Variants in SNX8 observed in about 807,000 individuals in gnomAD.
SNX8 encodes the protein sorting nexin-8.
Under a neutral mutation model 51.6 loss-of-function variants are expected in SNX8, and 25 were observed. The observed-to-expected ratio is 0.48, with a 90% CI of 0.35 to 0.68. The LOEUF is 0.68. Among genes scored for constraint, SNX8 ranks in the 30% least tolerant of loss-of-function variants. The pLI is 0.00. For missense variants in SNX8, 695 were observed against 624.0 expected (o/e 1.11, Z -1.21); for synonymous variants, 324 against 277.0 (o/e 1.17, Z -1.68).
intron 1 of SNX8, among the ~76,000 whole-genome samples, chr7:2,338,627 G>A (rs1266509398): frequency 6.6e-6 from 1 of 152,062 alleles, no homozygotes; most frequent in African/African-American, 2.4e-5. Context: ...GAGCAAGACT[G>A]TCTCAAAAAA....
At chr7:2,340,969 A>G (rs957079453) in intron 1 of SNX8, among the ~76,000 whole-genome samples, 1 of 150,990 alleles carries the variant, frequency 6.6e-6, no homozygotes, top group Non-Finnish European at 1.5e-5. Flanking sequence ...GGGTCACTTG[A>G]GCCCAGGAAT....
chr7:2,330,664 G>A (rs904452641), intron 1 of SNX8, among the ~76,000 whole-genome samples: 1 of 152,042 alleles, frequency 6.6e-6, no homozygotes, highest in Non-Finnish European at 1.5e-5. Flanking sequence ...TCTCCAGGCA[G>A]ACAGTCTCAG....
At chr7:2,346,736 T>TC (rs1779035492) in intron 1 of SNX8, among the ~76,000 whole-genome samples, 1 of 20,350 alleles carries the variant, frequency 4.9e-5, no homozygotes, top group Admixed American at 9.0e-4. Flanking sequence ...GGACTCCGTC[T>TC]CAAAAAAAAA....
intron 1 of SNX8, among the ~76,000 whole-genome samples, chr7:2,279,276 TCACTCACACTACGGAGTCGAAGCC>T (rs1795855864): frequency 7.2e-6 from 1 of 138,540 alleles, no homozygotes; most frequent in African/African-American, 2.7e-5. Flanking sequence ...GAAGCCGGAC[TCACTCACACTACGGAGTCGAAGCC>T]GGACTCACTC....
intron 1 of SNX8, among the ~76,000 whole-genome samples, chr7:2,303,403 A>C (rs933968338): frequency 2.7e-5 from 4 of 148,468 alleles, no homozygotes; most frequent in African/African-American, 9.9e-5. Context: ...GGCCGCCCCT[A>C]CTGGGAAGTG....
Position 2,255,039 on chromosome 7 carries a change from C to T in SNX8, c.*17G>A. ...GTTTTAGTGCGGCCGCAGGGAGCAC[C>T]ACCTCAGCCTCAGGCGCTAGTGAGG... On this transcript the variant is annotated 3_prime_UTR_variant, in exon 11 of 11. Coordinates refer to ENST00000222990, the MANE Select transcript of SNX8 (RefSeq NM_013321.4). 1 of 1,502,686 alleles carries T rather than the reference C, an allele frequency of 6.7e-7. No homozygotes were observed. The allele number at this position is 1,502,686 out of a possible 1,614,324, so 93.1% of individuals were successfully genotyped here. A position where few individuals can be genotyped will look rare whatever the true frequency, so the allele number is the denominator to read the frequency against.
At chr7:2,282,333 T>A (rs1224669644) in intron 1 of SNX8, among the ~76,000 whole-genome samples, 1 of 152,042 alleles carries the variant, frequency 6.6e-6, no homozygotes, top group Non-Finnish European at 1.5e-5. Flanking sequence ...CTTGCAAAGA[T>A]AAACTGTGAG....
At chr7:2,270,826 A>C (rs1218512542) in intron 4 of SNX8, among the ~76,000 whole-genome samples, 1 of 152,128 alleles carries the variant, frequency 6.6e-6, no homozygotes, top group Non-Finnish European at 1.5e-5. Flanking sequence ...GTCTTCCTGC[A>C]GCAGGGACAA....
At chr7:2,281,547 A>G (rs78814402) in intron 1 of SNX8, among the ~76,000 whole-genome samples, 2,856 of 152,282 alleles carry the variant, frequency 0.019, 49 homozygotes, top group East Asian at 0.049. Context: ...AATAAACGTT[A>G]TGCTCACTAA....
chr7:2,321,576 G>A (rs528516410), intron 1 of SNX8, among the ~76,000 whole-genome samples: 6 of 151,572 alleles, frequency 4.0e-5, no homozygotes, highest in African/African-American at 9.7e-5. Flanking sequence ...ACAGGCGCCC[G>A]CCACTACGCC....
At chr7:2,267,644 C>A (rs539953181) in intron 5 of SNX8, among the ~76,000 whole-genome samples, 1 of 148,708 alleles carries the variant, frequency 6.7e-6, no homozygotes, top group South Asian at 2.2e-4. Context: ...AGTGCAGTGA[C>A]GTGATCTCGG....
At chr7:2,280,946 A>T (rs1233356539) in intron 1 of SNX8, among the ~76,000 whole-genome samples, 3 of 152,084 alleles carry the variant, frequency 2.0e-5, no homozygotes, top group African/African-American at 4.8e-5. Flanking sequence ...GCGTGCACCA[A>T]TATGCCCAGC....
rs537377162 is a variant in SNX8, at chr7:2,286,614, G to A, written c.95-8309C>T. On this transcript the variant is annotated intron_variant, in intron 1 of 10. Transcript: ENST00000222990. ...CTCACTGCAACCTCCACCTCCCGGG[G>A]TTCACGCCATTCTCCTGCCTCAGCC... Among the ~76,000 whole-genome samples the A allele has an allele frequency of 4.7e-4, 71 of 151,156 alleles. 2 individuals carry two copies. In the South Asian group the frequency reaches 0.015, roughly 31 times the overall value.
intron 3 of SNX8, among the ~76,000 whole-genome samples, chr7:2,273,034 A>G (rs1238365570): frequency 6.6e-6 from 1 of 151,716 alleles, no homozygotes; most frequent in Non-Finnish European, 1.5e-5. Context: ...AGGTTTCACC[A>G]TGTTGGTCAT....
At position 2,263,269 on chromosome 7, in the gene SNX8, A is replaced by G; in HGVS notation, c.876T>C (p.Ser292=). Residue 292 remains serine, a synonymous_variant, in exon 7 of 11, where the codon TCT becomes TCC. Transcript: ENST00000222990. ...TGTCGGCGAGCAGCGCGAATTCCACAGACAGGCCTTTCAGAGCCTGCTTCA... is the reference window on the plus strand; with the variant it reads ...TGTCGGCGAGCAGCGCGAATTCCACGGACAGGCCTTTCAGAGCCTGCTTCA... The part of the protein sequence containing the change: ...GSLKQALKGL[S]VEFALLADKA... The G allele has an allele frequency of 6.2e-7, 1 of 1,613,968 alleles. No homozygotes were observed. The highest frequency in any genetic ancestry group is 1.7e-5 in the Admixed American group (1 of 60,018).
chr7:2,310,447 G>C (rs1796637692), intron 1 of SNX8, among the ~76,000 whole-genome samples: 1 of 151,990 alleles, frequency 6.6e-6, no homozygotes, highest in East Asian at 1.9e-4. Flanking sequence ...AACACAGCCA[G>C]ACTGTCTCTA....
At chr7:2,301,803 A>C (rs913979356) in intron 1 of SNX8, among the ~76,000 whole-genome samples, 1 of 152,144 alleles carries the variant, frequency 6.6e-6, no homozygotes, top group Non-Finnish European at 1.5e-5. Flanking sequence ...TCCAGCGTCG[A>C]GTTCTGTCTC....
At chr7:2,302,109 G>A (rs1229681697) in intron 1 of SNX8, among the ~76,000 whole-genome samples, 2 of 150,316 alleles carry the variant, frequency 1.3e-5, no homozygotes, top group Admixed American at 6.6e-5. Context: ...CTCTCCCGAC[G>A]GTCTCCCTCT....
At chr7:2,273,433 ATAAT>A (rs1795695939) in intron 3 of SNX8, among the ~76,000 whole-genome samples, 1 of 150,290 alleles carries the variant, frequency 6.7e-6, no homozygotes, top group African/African-American at 2.4e-5. Context: ...ACAAAAAAAA[ATAAT>A]TAGCCAGGCG....
Sources: allele counts gnomAD v4.1 joint callset (sites outside exome capture counted in the v4.1 genomes callset), GRCh38; gene constraint gnomAD v4.1.1; transcripts MANE v1.5; gene names NCBI Gene and HGNC (gene_info 2026-07-23, HGNC 2026-07-21).